The following DHX32 variants were observed in gnomAD, a reference collection of about 807,000 sequenced individuals.
DHX32 encodes the protein DEAH-box helicase 32 (putative).
Under a neutral mutation model 70.0 loss-of-function variants are expected in DHX32, and 51 were observed. That is an observed-to-expected ratio of 0.73 (90% CI 0.58 to 0.92). The LOEUF (loss-of-function observed/expected upper bound fraction) is 0.92. Among genes scored for constraint, DHX32 ranks in the 40% least tolerant of loss-of-function variants. DHX32 has a pLI of 0.00. For missense variants in DHX32, 762 were observed against 891.8 expected (o/e 0.85, Z 1.85); for synonymous variants, 310 against 315.3 (o/e 0.98, Z 0.18).
chr10:125,836,663 C>A lies in DHX32; in HGVS notation c.*24G>T. 1.9e-6 allele frequency: 3 copies of A among 1,610,794 alleles called. No homozygotes were observed. The highest frequency in any genetic ancestry group is 2.5e-6 in the Non-Finnish European group (3 of 1,177,776). ...CCATCCAGCTACCTTTGGGACCCTG[C>A]TGCACCTTGTGTTTGCTGGGGAGTC... is the stretch of plus-strand genomic sequence containing the variant. On this transcript the variant is annotated 3_prime_UTR_variant, in exon 11 of 11. Transcript: ENST00000284690.
chr10:125,895,614 G>T (rs58185571), intron 1 of DHX32, among the ~76,000 whole-genome samples: 1 of 152,298 alleles, frequency 6.6e-6, no homozygotes, highest in Non-Finnish European at 1.5e-5. Context: ...TTTAAAACCA[G>T]TATGAAAGAC....
intron 3 of DHX32, chr10:125,854,766 A>G (rs998506748): frequency 6.6e-6 from 1 of 152,230 alleles, no homozygotes; most frequent in African/African-American, 2.4e-5. Context: ...TTTTCCACAT[A>G]TAATTGAATT....
At chr10:125,849,685 G>A (rs1486017761) in intron 6 of DHX32, among the ~76,000 whole-genome samples, 3 of 152,188 alleles carry the variant, frequency 2.0e-5, no homozygotes, top group Non-Finnish European at 4.4e-5. Flanking sequence ...CCACATGTGA[G>A]GGCCGTTGGC....
At chr10:125,860,925 TG>T (rs1331873874) in intron 2 of DHX32, among the ~76,000 whole-genome samples, 3 of 151,758 alleles carry the variant, frequency 2.0e-5, no homozygotes, top group Admixed American at 2.0e-4. Context: ...GCTAATTTTT[TG>T]TATTTTTAGT....
rs1244924350 is a variant in DHX32, at chr10:125,866,514, G to A, written c.476+476C>T. Among the ~76,000 whole-genome samples, 6 of 152,322 alleles carry A rather than the reference G, an allele frequency of 3.9e-5. No homozygotes were observed. In the East Asian group the frequency reaches 1.2e-3, roughly 29 times the overall value. ...TTTTCTAATGTGTATTACTGGAGGG[G>A]CAGGGAAGCCTTCCTGGAGTAGGTG... On this transcript the variant is annotated intron_variant, in intron 2 of 10. Coordinates refer to ENST00000284690, the MANE Select transcript of DHX32 (RefSeq NM_018180.3). This position sits in a 1 kb window ranked among gnomAD's most constrained non-coding sequence, Gnocchi z 4.8.
chr10:125,846,795 G>T (rs1285053154), intron 6 of DHX32, among the ~76,000 whole-genome samples: 2 of 152,118 alleles, frequency 1.3e-5, no homozygotes, highest in Non-Finnish European at 2.9e-5. Flanking sequence ...AGAATCAATG[G>T]CTCCCTTTCT....
intron 6 of DHX32, among the ~76,000 whole-genome samples, chr10:125,850,563 C>A (rs936417770): frequency 1.3e-5 from 2 of 152,014 alleles, no homozygotes; most frequent in African/African-American, 4.8e-5. Flanking sequence ...CCACGTTGGT[C>A]AGGCTGGTCT....
At chr10:125,888,896 C>T (rs1456428653) in intron 1 of DHX32, among the ~76,000 whole-genome samples, 2 of 152,306 alleles carry the variant, frequency 1.3e-5, no homozygotes, top group Non-Finnish European at 2.9e-5. Flanking sequence ...CCCGTCTCTA[C>T]TAAAAATACA....
At chr10:125,861,119 G>A in intron 2 of DHX32, among the ~76,000 whole-genome samples, 1 of 152,138 alleles carries the variant, frequency 6.6e-6, no homozygotes, top group Non-Finnish European at 1.5e-5. Context: ...TGGCAATTCT[G>A]AGATTGCTAT....
Position 125,836,978 on chromosome 10 carries a change from A to AT in DHX32, c.2064-124_2064-123insA, listed in dbSNP as rs1854711202. ...CCTGTAGAACCGGTATTTAATTTGA[A>AT]CTCAGATAGTATCTCAGTCCGACTT... is the stretch of plus-strand genomic sequence containing the variant. On this transcript the variant is annotated intron_variant, in intron 10 of 10. Coordinates refer to ENST00000284690, the MANE Select transcript of DHX32 (RefSeq NM_018180.3). 16 of 781,582 alleles carry AT rather than the reference A, an allele frequency of 2.0e-5. No homozygotes were observed. In the East Asian group the frequency reaches 4.3e-4, roughly 21 times the overall value. 48.4% of individuals were successfully genotyped at this position (781,582 alleles called of 1,614,324 possible).
Position 125,859,648 on chromosome 10 carries a change from G to C in DHX32, c.804C>G (p.His268Gln), listed in dbSNP as rs1481480589. ...SILRLIFEIH[H>Q]SGEKGDIVVF... is the part of the protein sequence containing the mutation. Reference sequence around the variant, plus strand: ...CTACAATGTCACCTTTCTCACCCGAGTGGTGAATTTCAAAGATAAGGCGTA... The same window carrying C: ...CTACAATGTCACCTTTCTCACCCGACTGGTGAATTTCAAAGATAAGGCGTA... Residue 268 changes from histidine (H) to glutamine (Q), a missense_variant, in exon 3 of 11, where the codon CAC becomes CAG. By Grantham distance (24) the His-to-Gln change is conservative. Transcript: ENST00000284690. 3 of 1,608,896 alleles carry C rather than the reference G, an allele frequency of 1.9e-6. No homozygotes were observed. Among genetic ancestry groups the C allele is most frequent in the Admixed American group, 1.7e-5 (1 of 59,046 alleles).
At chr10:125,853,464 G>A in intron 4 of DHX32, 1 of 270,522 alleles carries the variant, frequency 3.7e-6, no homozygotes, top group Non-Finnish European at 6.8e-6. Flanking sequence ...TGATTAGGAT[G>A]AAAATTTTAT....
intron 2 of DHX32, among the ~76,000 whole-genome samples, chr10:125,862,784 G>C (rs986725015): frequency 6.6e-6 from 1 of 151,996 alleles, no homozygotes; most frequent in African/African-American, 2.4e-5. Flanking sequence ...CCCAGGAGGA[G>C]TCCCACATTA....
chr10:125,838,655 T>C (rs1854776627), intron 9 of DHX32, among the ~76,000 whole-genome samples: 1 of 152,160 alleles, frequency 6.6e-6, no homozygotes. Flanking sequence ...GGCCATGAGA[T>C]GAAACTTAGC....
upstream of DHX32, among the ~76,000 whole-genome samples, chr10:125,883,896 C>T (rs1944330782): frequency 6.6e-6 from 1 of 152,152 alleles, no homozygotes; most frequent in Admixed American, 6.5e-5. Flanking sequence ...GACTCAGAAC[C>T]CATGCCACTG....
chr10:125,886,036 A>C (rs1944339457), upstream of DHX32, among the ~76,000 whole-genome samples: 1 of 152,178 alleles, frequency 6.6e-6, no homozygotes, highest in Non-Finnish European at 1.5e-5. Context: ...TATGATCTGG[A>C]CCCATCGCCT....
intron 1 of DHX32, among the ~76,000 whole-genome samples, chr10:125,890,149 G>C (rs1944361935): frequency 6.6e-6 from 1 of 152,308 alleles, no homozygotes; most frequent in South Asian, 2.1e-4. Flanking sequence ...AGGAAGAGAG[G>C]TCTGGAAGAA....
chr10:125,855,838 T>C lies in DHX32; in HGVS notation c.850-1635A>G, dbSNP rs143966530. Among the ~76,000 whole-genome samples, 30 of 152,360 alleles carry C rather than the reference T, an allele frequency of 2.0e-4. 1 individual carries two copies. Among genetic ancestry groups the C allele is most frequent in the African/African-American group, 7.0e-4 (29 of 41,594 alleles). On this transcript the variant is annotated intron_variant, in intron 3 of 10. Coordinates refer to ENST00000284690, the MANE Select transcript of DHX32 (RefSeq NM_018180.3). ...TAATTATGGCCACTAATTCTTTATT[T>C]GGTTCTAGCTGCTAAAACTTTTTAG...
In DHX32 at chr10:125,893,400, T is replaced by C. The variant is rs1282558428; in HGVS notation, c.-248+2818A>G. 5.3e-5 allele frequency among the ~76,000 whole-genome samples: 8 copies of C among 152,146 alleles called. No homozygotes were observed. In the South Asian group the frequency reaches 1.2e-3, roughly 24 times the overall value. On this transcript the variant is annotated intron_variant, in intron 1 of 2. Coordinates refer to the DHX32 transcript ENST00000415732. ...CTGGGACTACGGGCGCCCGCCACCA[T>C]GCCCGGCTAATTTTTTGTATTTTTA...
Sources: gnomAD v4.1 joint callset for allele counts (sites outside exome capture counted in the v4.1 genomes callset) on GRCh38, gnomAD v4.1.1 for gene constraint, Gnocchi (gnomAD v3.1) non-coding constraint, MANE v1.5 for transcripts, NCBI Gene and HGNC (gene_info 2026-07-23, HGNC 2026-07-21) for gene names.